The following KLF18 variants were observed in gnomAD, a reference collection of about 807,000 sequenced individuals.
KLF18 encodes the protein Kruppel-like factor 18.
intron 1 of KLF18, among the ~76,000 whole-genome samples, chr1:44,138,327 G>A (rs1643185968): frequency 6.6e-6 from 1 of 152,168 alleles, no homozygotes; most frequent in Non-Finnish European, 1.5e-5. Context: ...TGGGGGCCCT[G>A]TCACTACGAA....
rs986881367 is a variant in KLF18 at position 44,141,300 on chromosome 1, T to C, written c.332A>G (p.His111Arg). Residue 111 changes from histidine (H) to arginine (R), a missense_variant, in exon 1 of 2, where the codon CAC becomes CGC. Coordinates refer to ENST00000634670, the MANE Select transcript of KLF18 (RefSeq NM_001358438.1). Reference protein sequence around the residue: ...QKVTSFDQVKHTAGSQMTDVT... With the variant: ...QKVTSFDQVKRTAGSQMTDVT... ...ATCTGTCATCTGGGAGCCTGCTGTG[T>C]GTTTTACCTGATCAAAGGAAGTCAC... 1 of 398,694 alleles carries C rather than the reference T, an allele frequency of 2.5e-6. No homozygotes were observed. The highest frequency in any genetic ancestry group is 4.4e-6 in the Non-Finnish European group (1 of 226,170). The allele number at this position is 398,694 out of a possible 1,614,324, so 24.7% of individuals were successfully genotyped here.
rs1572000550 is a variant in KLF18 at position 44,140,704 on chromosome 1, T to G, written c.928A>C (p.Thr310Pro). Reference protein sequence around the residue: ...NQTLCGEQVMTSTGNQALCGG... With the variant: ...NQTLCGEQVMPSTGNQALCGG... ...CAGAGGGCTTGGTTACCAGTGGAGGTCATCACTTGCTCCCCACAGAGGGTC... is the reference window on the plus strand; with the variant it reads ...CAGAGGGCTTGGTTACCAGTGGAGGGCATCACTTGCTCCCCACAGAGGGTC... Residue 310 changes from threonine to proline, a missense_variant, in exon 1 of 2, where the codon ACC becomes CCC. Physicochemically the swap from Thr to Pro is conservative, Grantham distance 38. Transcript: ENST00000634670. The G allele has an allele frequency of 5.0e-6, 2 of 398,114 alleles. No homozygotes were observed. The highest frequency in any genetic ancestry group is 8.8e-6 in the Non-Finnish European group (2 of 226,034). 24.7% of individuals were successfully genotyped at this position (398,114 alleles called of 1,614,324 possible).
In KLF18 at chr1:44,139,333, C is replaced by A. The variant is rs1016206769; in HGVS notation, c.2299G>T (p.Gly767Trp). ...TTSTGNQALY[G>W]GQMTTSTSNQ... is the part of the protein sequence containing the mutation. ...CTAGTAGAGGTCGTCATCTGCCCCCCGTAGAGGGCCTGGTTACCAGTGGAG... is the reference window on the plus strand; with the variant it reads ...CTAGTAGAGGTCGTCATCTGCCCCCAGTAGAGGGCCTGGTTACCAGTGGAG... The change falls in exon 1 of 2, where the codon GGG (glycine) becomes TGG (tryptophan). Residue 767 changes from glycine (G) to tryptophan (W), a missense_variant. Gly to Trp is a radical substitution (Grantham distance 184). Coordinates refer to ENST00000634670, the MANE Select transcript of KLF18 (RefSeq NM_001358438.1). 6.4e-5 allele frequency: 22 copies of A among 343,648 alleles called. No homozygotes were observed. The highest frequency in any genetic ancestry group is 1.1e-4 in the Non-Finnish European group (22 of 194,110). 21.3% of individuals were successfully genotyped at this position (343,648 alleles called of 1,614,324 possible). A position where few individuals can be genotyped will look rare whatever the true frequency, so the allele number is the denominator to read the frequency against.
intron 1 of KLF18, 23 bp from the exon 2 acceptor site, chr1:44,138,034 G>A: frequency 2.5e-6 from 1 of 398,630 alleles, no homozygotes; most frequent in East Asian, 3.6e-5. Context: ...GAGAGAGAGA[G>A]ACCTGTCATA....
chr1:44,140,734 T>C lies in KLF18; in HGVS notation c.898A>G (p.Asn300Asp). Residue 300 changes from asparagine to aspartate, a missense_variant, in exon 1 of 2, where the codon AAC becomes GAC. Asn to Asp is a conservative substitution (Grantham distance 23). Transcript: ENST00000634670. ...CGEQMTTSTS[N>D]QTLCGEQVMT... ...ACTTGCTCCCCACAGAGGGTCTGGT[T>C]ACTAGTGGAGGTTGTCATCTGCTCT... 1 of 398,394 alleles carries C rather than the reference T, an allele frequency of 2.5e-6. No individual in the cohort carries two copies. The highest frequency in any genetic ancestry group is 4.4e-6 in the Non-Finnish European group (1 of 226,080). The allele number at this position is 398,394 out of a possible 1,614,324, so 24.7% of individuals were successfully genotyped here.
chr1:44,139,700 C>T lies in KLF18; in HGVS notation c.1932G>A (p.Met644Ile). Residue 644 changes from methionine (M) to isoleucine (I), a missense_variant, in exon 1 of 2, where the codon ATG becomes ATA. Physicochemically the swap from Met to Ile is conservative, Grantham distance 10. Transcript: ENST00000634670. ...GGGTCTGGTTACTAGTGGAGGTTGT[C>T]ATCTGCTCTCCACAGAGGGTCTGGT... is the stretch of plus-strand genomic sequence containing the variant. ...ASNQTLCGEQ[M>I]TTSTSNQTLC... 1 of 396,832 alleles carries T rather than the reference C, an allele frequency of 2.5e-6. No homozygotes were observed. Among genetic ancestry groups the T allele is most frequent in the Non-Finnish European group, 4.4e-6 (1 of 225,822 alleles). The allele number at this position is 396,832 out of a possible 1,614,324, so 24.6% of individuals were successfully genotyped here. A position where few individuals can be genotyped will look rare whatever the true frequency, so the allele number is the denominator to read the frequency against.
At chr1:44,138,164 G>A (rs1383845829) in intron 1 of KLF18, among the ~76,000 whole-genome samples, 153 bp from the exon 2 acceptor site, 1 of 152,194 alleles carries the variant, frequency 6.6e-6, no homozygotes, top group East Asian at 1.9e-4. Flanking sequence ...GAAGGAGGAG[G>A]GGAATGAGGG....
rs1015083213 is a variant in KLF18, at chr1:44,138,889, C to T, written c.2743G>A (p.Gly915Arg). Residue 915 changes from glycine (G) to arginine (R), a missense_variant, in exon 1 of 2, where the codon GGG becomes AGG. By Grantham distance (125) the Gly-to-Arg change is moderately radical. Transcript: ENST00000634670. ...AACTGATGGGACATCATATATCCCC[C>T]ATAAAGGCTGTGGTCATCAGTGAGC... Reference protein sequence around the residue: ...TTLTDDHSLYGGYMMSHQFSS... With the variant: ...TTLTDDHSLYRGYMMSHQFSS... The T allele has an allele frequency of 4.5e-5, 18 of 398,514 alleles. No homozygotes were observed. The Admixed American group carries it at 7.5e-4, about 17-fold the overall frequency. The allele number at this position is 398,514 out of a possible 1,614,324, so 24.7% of individuals were successfully genotyped here.
In KLF18 at chr1:44,139,020, G is replaced by C; in HGVS notation, c.2612C>G (p.Ser871Cys). ...QNLYGGQNMT[S>C]TDNQALYGGQ... is the part of the protein sequence containing the mutation. The stretch of plus-strand genomic sequence containing the variant: ...TCCATAGAGGGCCTGGTTATCAGTG[G>C]AGGTCATATTCTGCCCCCCGTAGAG... The change falls in exon 1 of 2, where the codon TCC (serine) becomes TGC (cysteine). Residue 871 changes from serine to cysteine, a missense_variant. Ser to Cys is a moderately radical substitution (Grantham distance 112). Transcript: ENST00000634670. The C allele has an allele frequency of 2.5e-6, 1 of 398,398 alleles. No individual in the cohort carries two copies. The highest frequency in any genetic ancestry group is 4.4e-6 in the Non-Finnish European group (1 of 225,968). 24.7% of individuals were successfully genotyped at this position (398,398 alleles called of 1,614,324 possible).
Position 44,138,649 on chromosome 1 carries a change from T to G in KLF18, c.2968+15A>C, listed in dbSNP as rs1399107223. 5.0e-6 allele frequency: 2 copies of G among 398,562 alleles called. No individual in the cohort carries two copies. The highest frequency in any genetic ancestry group is 2.6e-4 in the South Asian group (2 of 7,810). 24.7% of individuals were successfully genotyped at this position (398,562 alleles called of 1,614,324 possible). On this transcript the variant is annotated intron_variant, in intron 1 of 1. Transcript: ENST00000634670. ...GCCACTTGCCCCTCACCCCTGTTTC[T>G]GGGCCCTCACTCACCGGTGTGCTTG...
chr1:44,137,944 G>T lies in KLF18; in HGVS notation c.3036C>A (p.Asn1012Lys). ...TWKFARSDEL[N>K]RHKKRHTGER... is the part of the protein sequence containing the mutation. ...CCCCAGTGTGCCTTTTCTTGTGTCT[G>T]TTGAGCTCATCTGAGCGGGCAAATT... The change falls in exon 2 of 2, where the codon AAC becomes AAA. Residue 1012 changes from asparagine (N) to lysine (K), a missense_variant. By Grantham distance (94) the Asn-to-Lys change is moderately conservative (BLOSUM62 0). Transcript: ENST00000634670. 2.5e-6 allele frequency: 1 copy of T among 398,750 alleles called. No individual in the cohort carries two copies. Among genetic ancestry groups the T allele is most frequent in the Non-Finnish European group, 4.4e-6 (1 of 226,202 alleles). 24.7% of individuals were successfully genotyped at this position (398,750 alleles called of 1,614,324 possible).
rs1643228452 is a variant in KLF18 at position 44,140,589 on chromosome 1, C to T, written c.1043G>A (p.Gly348Glu). 3.6e-6 allele frequency: 1 copy of T among 278,122 alleles called. No individual in the cohort carries two copies. Among genetic ancestry groups the T allele is most frequent in the African/African-American group, 5.7e-5 (1 of 17,608 alleles). 17.2% of individuals were successfully genotyped at this position (278,122 alleles called of 1,614,324 possible). The stretch of plus-strand genomic sequence containing the variant: ...GTTACCAGTGGAGGTCATCATCTGC[C>T]CCCAGTAGAGGGTCTGGTTACCAGT... The part of the protein sequence containing the change: ...TSTGNQTLYW[G>E]QMMTSTGNQN... The change falls in exon 1 of 2, where the codon GGG (glycine) becomes GAG (glutamate). Residue 348 changes from glycine (G) to glutamate (E), a missense_variant. By Grantham distance (98) the Gly-to-Glu change is moderately conservative. Coordinates refer to ENST00000634670, the MANE Select transcript of KLF18 (RefSeq NM_001358438.1).
chr1:44,138,236 G>GA (rs1024488730), intron 1 of KLF18, among the ~76,000 whole-genome samples: 1 of 151,380 alleles, frequency 6.6e-6, no homozygotes, highest in Non-Finnish European at 1.5e-5. Flanking sequence ...AAAGGAAGAA[G>GA]AAAAAAAACA....
In KLF18 at chr1:44,140,742, G is replaced by A. The variant is rs1258864702; in HGVS notation, c.890C>T (p.Ser297Phe). The change falls in exon 1 of 2, where the codon TCC becomes TTC. Residue 297 changes from serine to phenylalanine, a missense_variant. Transcript: ENST00000634670. The part of the protein sequence containing the change: ...QTLCGEQMTT[S>F]TSNQTLCGEQ... Reference sequence around the variant, plus strand: ...CCCACAGAGGGTCTGGTTACTAGTGGAGGTTGTCATCTGCTCTCCACAGAG... The same window carrying A: ...CCCACAGAGGGTCTGGTTACTAGTGAAGGTTGTCATCTGCTCTCCACAGAG... 5.0e-6 allele frequency: 2 copies of A among 398,194 alleles called. No homozygotes were observed. The highest frequency in any genetic ancestry group is 8.8e-6 in the Non-Finnish European group (2 of 226,064). 24.7% of individuals were successfully genotyped at this position (398,194 alleles called of 1,614,324 possible). A position where few individuals can be genotyped will look rare whatever the true frequency, so the allele number is the denominator to read the frequency against.
rs1042517693 is a variant in KLF18 at position 44,140,813 on chromosome 1, C to G, written c.819G>C (p.Gln273His). The G allele has an allele frequency of 1.8e-5, 7 of 397,658 alleles. No homozygotes were observed. Among genetic ancestry groups the G allele is most frequent in the Non-Finnish European group, 2.2e-5 (5 of 226,024 alleles). The allele number at this position is 397,658 out of a possible 1,614,324, so 24.6% of individuals were successfully genotyped here. Residue 273 changes from glutamine (Q) to histidine (H), a missense_variant, in exon 1 of 2, where the codon CAG (glutamine) becomes CAC (histidine). Gln to His is a conservative substitution (Grantham distance 24). Transcript: ENST00000634670. ...GEQMTTSTGN[Q>H]ALYGGQMTTS... ...TCGTCATCTGCCCCCCATAGAGGGC[C>G]TGGTTACCAGTGGAGGTTGTCATCT...
intron 1 of KLF18, among the ~76,000 whole-genome samples, chr1:44,138,225 G>A (rs1643180213): frequency 6.6e-6 from 1 of 151,914 alleles, no homozygotes; most frequent in Non-Finnish European, 1.5e-5. Context: ...GGAAGAAGAG[G>A]AAAGGAAGAA....
Position 44,140,862 on chromosome 1 carries a change from C to T in KLF18, c.770G>A (p.Gly257Asp), listed in dbSNP as rs967272454. The T allele has an allele frequency of 3.9e-5, 15 of 382,154 alleles. No individual in the cohort carries two copies. The highest frequency in any genetic ancestry group is 1.2e-4 in the African/African-American group (6 of 48,146). 23.7% of individuals were successfully genotyped at this position (382,154 alleles called of 1,614,324 possible). A position where few individuals can be genotyped will look rare whatever the true frequency, so the allele number is the denominator to read the frequency against. ...CTGCTCTCCACAGAGGGTCTGGTTA[C>T]CAGTGGAGGTCGTCATCTGTCTCCC... ...FYGRQMTTST[G>D]NQTLCGEQMT... is the part of the protein sequence containing the mutation. Residue 257 changes from glycine to aspartate, a missense_variant, in exon 1 of 2, where the codon GGT becomes GAT. By Grantham distance (94) the Gly-to-Asp change is moderately conservative. Transcript: ENST00000634670.
rs936360666 is a variant in KLF18, at chr1:44,139,507, G to C, written c.2125C>G (p.Leu709Val). Residue 709 changes from leucine to valine, a missense_variant, in exon 1 of 2, where the codon CTC becomes GTC. Transcript: ENST00000634670. ...QTTTSTSNQT[L>V]CGEQVTTSTG... ...GAGGTCGTCACCTGCTCCCCACAGA[G>C]GGTCTGGTTACTAGTGGAGGTCGTC... is the stretch of plus-strand genomic sequence containing the variant. The C allele has an allele frequency of 5.2e-6, 2 of 388,242 alleles. No individual in the cohort carries two copies. Among genetic ancestry groups the C allele is most frequent in the African/African-American group, 2.1e-5 (1 of 46,724 alleles). 24.0% of individuals were successfully genotyped at this position (388,242 alleles called of 1,614,324 possible).
At position 44,139,824 on chromosome 1, in the gene KLF18, G is replaced by A. The variant is rs375504447; in HGVS notation, c.1808C>T (p.Thr603Met). The change falls in exon 1 of 2, where the codon ACG becomes ATG. Residue 603 changes from threonine (T) to methionine (M), a missense_variant. Coordinates refer to ENST00000634670, the MANE Select transcript of KLF18 (RefSeq NM_001358438.1). ...SNQTLCGEQV[T>M]TSTGNQALYG... ...GAGGGCCTGGTTACCAGTGGAGGTC[G>A]TCACCTGCTCCCCACAAAGGGTCTG... is the stretch of plus-strand genomic sequence containing the variant. 33 of 364,494 alleles carry A rather than the reference G, an allele frequency of 9.1e-5. No individual in the cohort carries two copies. The South Asian group carries it at 2.6e-3, about 29-fold the overall frequency. 22.6% of individuals were successfully genotyped at this position (364,494 alleles called of 1,614,324 possible).
Sources: allele counts gnomAD v4.1 joint callset (sites outside exome capture counted in the v4.1 genomes callset), GRCh38; gene constraint gnomAD v4.1.1; transcripts MANE v1.5; gene names NCBI Gene and HGNC (gene_info 2026-07-23, HGNC 2026-07-21).